The following EYA2 variants were observed in gnomAD, a reference collection of about 807,000 sequenced individuals.
The protein encoded by EYA2 is EYA transcriptional coactivator and phosphatase 2, also known as protein phosphatase EYA2.
A neutral mutation model predicts 69.2 loss-of-function variants in EYA2; 31 were observed. The observed-to-expected ratio is 0.45, with a 90% CI of 0.34 to 0.60. The LOEUF (loss-of-function observed/expected upper bound fraction) is 0.60. Ranked by LOEUF, EYA2 falls within the 20% of genes least tolerant of loss-of-function variation. The probability of loss-of-function intolerance (pLI) is 0.02; values close to 1 mark genes in which losing one functional copy is unlikely to be tolerated. For missense variants in EYA2, 622 were observed against 701.2 expected (o/e 0.89, Z 1.28); for synonymous variants, 257 against 279.4 (o/e 0.92, Z 0.80).
intron 1 of EYA2, among the ~76,000 whole-genome samples, chr20:46,914,225 CT>C (rs1984788412): frequency 2.6e-5 from 4 of 152,188 alleles, no homozygotes; most frequent in Non-Finnish European, 5.9e-5. Context: ...TTGGATTAAC[CT>C]CATGAAGATG....
At chr20:47,173,247 A>G (rs2034361524) in intron 12 of EYA2, among the ~76,000 whole-genome samples, 1 of 152,048 alleles carries the variant, frequency 6.6e-6, no homozygotes, top group Admixed American at 6.5e-5. Context: ...CAGGCCTAGC[A>G]AATCTGAAAC....
intron 7 of EYA2, among the ~76,000 whole-genome samples, chr20:47,074,783 T>C (rs2031450940): frequency 6.6e-6 from 1 of 152,190 alleles, no homozygotes; most frequent in South Asian, 2.1e-4. Flanking sequence ...GCCTGGCCCA[T>C]GTAGGCCTTG....
intron 4 of EYA2, among the ~76,000 whole-genome samples, chr20:47,007,370 T>C (rs1400196852): frequency 2.6e-5 from 4 of 152,182 alleles, no homozygotes; most frequent in South Asian, 2.1e-4. Context: ...GAGATAGCCA[T>C]GTGCAGGCAC....
intron 1 of EYA2, among the ~76,000 whole-genome samples, chr20:46,930,274 T>C (rs1985610294): frequency 6.6e-6 from 1 of 152,222 alleles, no homozygotes; most frequent in South Asian, 2.1e-4. Flanking sequence ...CTAAAACTTT[T>C]AAAAAATAAA....
chr20:47,106,659 A>T (rs1428505966), intron 9 of EYA2, among the ~76,000 whole-genome samples: 1 of 152,108 alleles, frequency 6.6e-6, no homozygotes, highest in East Asian at 1.9e-4. Flanking sequence ...CTATGGTCCT[A>T]TCTGCCTGAC....
chr20:47,040,086 C>A (rs892395551), intron 5 of EYA2, among the ~76,000 whole-genome samples: 1 of 151,968 alleles, frequency 6.6e-6, no homozygotes, highest in African/African-American at 2.4e-5. Flanking sequence ...GGTGACCCAC[C>A]CACCTCGGCC....
intron 1 of EYA2, among the ~76,000 whole-genome samples, chr20:46,971,694 A>G (rs1436588136): frequency 6.6e-6 from 1 of 152,192 alleles, no homozygotes; most frequent in Non-Finnish European, 1.5e-5. Context: ...ACTATGGGGA[A>G]CTTATCTTTT....
chr20:47,116,150 A>G (rs1348455393), intron 9 of EYA2, among the ~76,000 whole-genome samples: 1 of 147,810 alleles, frequency 6.8e-6, no homozygotes, highest in Admixed American at 6.8e-5. Flanking sequence ...ATTTGATTAT[A>G]GAATAACATC....
At chr20:46,956,836 A>G (rs562957147) in intron 1 of EYA2, among the ~76,000 whole-genome samples, 2 of 152,262 alleles carry the variant, frequency 1.3e-5, no homozygotes, top group Non-Finnish European at 2.9e-5. Context: ...CACAGGCCTC[A>G]GAATCATGAA....
At chr20:47,160,195 A>G (rs1224296152) in intron 10 of EYA2, among the ~76,000 whole-genome samples, 1 of 152,164 alleles carries the variant, frequency 6.6e-6, no homozygotes, top group Non-Finnish European at 1.5e-5. Context: ...GGATAGGAGC[A>G]GGAAGAGTGA....
At chr20:46,962,264 C>T (rs766578320) in intron 1 of EYA2, among the ~76,000 whole-genome samples, 3 of 152,088 alleles carry the variant, frequency 2.0e-5, no homozygotes, top group Non-Finnish European at 2.9e-5. Flanking sequence ...TGGTCTCAAG[C>T]GATCCTCCTT....
At chr20:46,996,963 G>A (rs1982065557) in intron 2 of EYA2, among the ~76,000 whole-genome samples, 1 of 152,114 alleles carries the variant, frequency 6.6e-6, no homozygotes, top group Non-Finnish European at 1.5e-5. Flanking sequence ...CCAGAAAGTG[G>A]CTCGAGACTA....
intron 9 of EYA2, among the ~76,000 whole-genome samples, chr20:47,130,261 C>CTTTTTTTTTATTTTTTTTTTTT (rs2033306199): frequency 2.5e-5 from 2 of 81,260 alleles, no homozygotes; most frequent in African/African-American, 5.8e-5. Flanking sequence ...GGTTTATTTT[C>CTTTTTTTTTATTTTTTTTTTTT]TTTTTTTTTT....
Position 47,179,953 on chromosome 20 carries a change from T to C in EYA2, c.1313+41T>C, listed in dbSNP as rs761312086. 2.0e-6 allele frequency: 3 copies of C among 1,477,522 alleles called. No homozygotes were observed. The South Asian group carries it at 3.4e-5, about 17-fold the overall frequency. The allele number at this position is 1,477,522 out of a possible 1,614,324, so 91.5% of individuals were successfully genotyped here. Reference sequence around the variant, plus strand: ...CATTTTCCTCTGTGCCACTGAACTTTCTCGCAGTAGACAGTGGTGGCTCCT... The same window carrying C: ...CATTTTCCTCTGTGCCACTGAACTTCCTCGCAGTAGACAGTGGTGGCTCCT... On this transcript the variant is annotated intron_variant, in intron 13 of 15. Coordinates refer to ENST00000327619, the MANE Select transcript of EYA2 (RefSeq NM_005244.5).
intron 9 of EYA2, among the ~76,000 whole-genome samples, chr20:47,133,594 GAGA>G (rs2033393472): frequency 1.3e-5 from 2 of 152,164 alleles, no homozygotes; most frequent in African/African-American, 4.8e-5. Context: ...ACAAGGCTCA[GAGA>G]AGCTGTTAGA....
At chr20:47,032,798 T>G (rs1984491363) in intron 5 of EYA2, among the ~76,000 whole-genome samples, 1 of 152,270 alleles carries the variant, frequency 6.6e-6, no homozygotes, top group African/African-American at 2.4e-5. Flanking sequence ...AAGTGCTTCC[T>G]TGCTTTGGCT....
At chr20:47,177,937 G>A (rs968083119) in intron 12 of EYA2, among the ~76,000 whole-genome samples, 1 of 152,214 alleles carries the variant, frequency 6.6e-6, no homozygotes, top group African/African-American at 2.4e-5. Flanking sequence ...GAGAAGTGCT[G>A]TGAAGAAGAG....
intron 5 of EYA2, among the ~76,000 whole-genome samples, chr20:47,042,627 C>G (rs1437904649): frequency 6.6e-6 from 1 of 152,246 alleles, no homozygotes; most frequent in South Asian, 2.1e-4. Context: ...GAACCCACAG[C>G]ACCTGGCACG....
At chr20:47,178,848 A>G (rs894054125) in intron 12 of EYA2, among the ~76,000 whole-genome samples, 32 of 150,290 alleles carry the variant, frequency 2.1e-4, no homozygotes, top group Non-Finnish European at 3.7e-4. Flanking sequence ...TATTGGGTGG[A>G]TGGATGGGTA....
Sources: allele counts gnomAD v4.1 joint callset (sites outside exome capture counted in the v4.1 genomes callset), GRCh38; gene constraint gnomAD v4.1.1; transcripts MANE v1.5; gene names NCBI Gene and HGNC (gene_info 2026-07-23, HGNC 2026-07-21).